Variants in BRCA2 observed in about 807,000 individuals in gnomAD.
BRCA2 encodes breast cancer type 2 susceptibility protein.
Under a neutral mutation model 276.7 loss-of-function variants are expected in BRCA2, and 203 were observed. The observed-to-expected ratio is 0.73, with a 90% CI of 0.65 to 0.82. The LOEUF is 0.82. BRCA2 is among the 40% of genes least tolerant of loss of function. BRCA2 has a pLI of 0.00. For missense variants in BRCA2, 3,920 were observed against 3,915.0 expected (o/e 1.00, Z -0.03); for synonymous variants, 1,289 against 1,338.4 (o/e 0.96, Z 0.81).
At chr13:32,370,254 CT>C in intron 18 of BRCA2, 147 bp from the exon 19 acceptor site, 2 of 708,228 alleles carry the variant, frequency 2.8e-6, no homozygotes, top group Admixed American at 2.8e-5. Context: ...CAGTTTTTTA[CT>C]TATTTACTGT....
In BRCA2 at chr13:32,364,476, T is replaced by G. The variant is rs140346021; in HGVS notation, c.8331+943T>G. On this transcript the variant is annotated intron_variant, in intron 18 of 26. Transcript: ENST00000380152. ...TATGGAAAATGAGGATTTCATTGTC[T>G]TACTCCAACACTGCTACATATTTCT... 1.8e-3 allele frequency among the ~76,000 whole-genome samples: 273 copies of G among 152,340 alleles called. 1 individual carries two copies. The highest frequency in any genetic ancestry group is 6.3e-3 in the African/African-American group (261 of 41,574).
chr13:32,386,149 T>G (rs943788485), intron 24 of BRCA2: 2 of 153,994 alleles, frequency 1.3e-5, no homozygotes, highest in Non-Finnish European at 2.9e-5. Context: ...TCATTTGATT[T>G]TCTGTTAACG....
Position 32,371,070 on chromosome 13 carries a change from A to G in BRCA2, c.8602A>G (p.Lys2868Glu), listed in dbSNP as rs1469574477. Residue 2868 changes from lysine to glutamate, a missense_variant, in exon 20 of 27, where the codon AAA becomes GAA. Transcript: ENST00000380152. ...QQKRLEALFT[K>E]IQEEFEEHEE... is the part of the protein sequence containing the mutation. ...AAAGAGACTAGAAGCCTTATTCACT[A>G]AAATTCAGGAGGAATTTGAAGAACA... 1 of 1,614,150 alleles carries G rather than the reference A, an allele frequency of 6.2e-7. No homozygotes were observed. The highest frequency in any genetic ancestry group is 2.2e-5 in the East Asian group (1 of 44,868).
chr13:32,337,535 C>T lies in BRCA2; in HGVS notation c.3180C>T (p.Ser1060=), dbSNP rs786203536. The change falls in exon 11 of 27, where the codon AGC becomes AGT. Residue 1060 remains serine, a synonymous_variant. Coordinates refer to ENST00000380152, the MANE Select transcript of BRCA2 (RefSeq NM_000059.4). Reference sequence around the variant, plus strand: ...CATTAGATAATCAAAAGAAACTGAGCAAGCCTCAGTCAATTAATACTGTAT... The same window carrying T: ...CATTAGATAATCAAAAGAAACTGAGTAAGCCTCAGTCAATTAATACTGTAT... ...TLALDNQKKL[S]KPQSINTVSA... The T allele has an allele frequency of 6.2e-7, 1 of 1,607,280 alleles. No individual in the cohort carries two copies. Among genetic ancestry groups the T allele is most frequent in the Non-Finnish European group, 8.5e-7 (1 of 1,176,392 alleles).
chr13:32,355,448 C>A (rs527854074), intron 14 of BRCA2, 160 bp downstream of exon 14: 6 of 370,712 alleles, frequency 1.6e-5, no homozygotes, highest in African/African-American at 6.6e-5. Context: ...TTAAATTATT[C>A]TAATGTTTCT....
At chr13:32,329,916 G>A (rs1247506583) in intron 8 of BRCA2, among the ~76,000 whole-genome samples, 1 of 151,922 alleles carries the variant, frequency 6.6e-6, no homozygotes, top group Non-Finnish European at 1.5e-5. Context: ...AATAAAATAG[G>A]ACAATTATAA....
intron 3 of BRCA2, among the ~76,000 whole-genome samples, chr13:32,319,685 G>T (rs765960591): frequency 2.6e-5 from 4 of 152,154 alleles, no homozygotes; most frequent in Non-Finnish European, 5.9e-5. Context: ...TTATTTTACC[G>T]ATATACTATA....
At chr13:32,393,027 G>A (rs2073007986) in intron 24 of BRCA2, among the ~76,000 whole-genome samples, 1 of 152,000 alleles carries the variant, frequency 6.6e-6, no homozygotes, top group South Asian at 2.1e-4. Flanking sequence ...CTCATGACTA[G>A]GATGAAGTTA....
intron 13 of BRCA2, among the ~76,000 whole-genome samples, chr13:32,352,372 A>G (rs371698519): frequency 4.2e-4 from 64 of 152,342 alleles, no homozygotes; most frequent in African/African-American, 1.4e-3. Flanking sequence ...TGCTCAAACT[A>G]CCTAATATAT....
chr13:32,370,924 A>G (rs756837938), intron 19 of BRCA2, 32 bp from the exon 20 acceptor site: 2 of 1,613,464 alleles, frequency 1.2e-6, no homozygotes, highest in East Asian at 4.5e-5. Flanking sequence ...TATATATGTG[A>G]CTTTTTTGGT....
At position 32,333,163 on chromosome 13, in the gene BRCA2, G is replaced by A. The variant is rs2072419618; in HGVS notation, c.1685G>A (p.Ser562Asn). Residue 562 changes from serine (S) to asparagine (N), a missense_variant, in exon 10 of 27, where the codon AGC becomes AAC. Around this residue, in one of 2 missense-constraint regions of BRCA2, gnomAD observed 3,263 missense variants for 3,156.9 expected, o/e 1.03. Coordinates refer to ENST00000380152, the MANE Select transcript of BRCA2 (RefSeq NM_000059.4). ...TGTCCAAATTTAATTGATAATGGAA[G>A]CTGGCCAGCCACCACCACACAGAAT... is the stretch of plus-strand genomic sequence containing the variant. ...SLCPNLIDNG[S>N]WPATTTQNSV... is the part of the protein sequence containing the mutation. 2 of 1,614,078 alleles carry A rather than the reference G, an allele frequency of 1.2e-6. No homozygotes were observed. The highest frequency in any genetic ancestry group is 1.7e-6 in the Non-Finnish European group (2 of 1,179,998).
intron 10 of BRCA2, among the ~76,000 whole-genome samples, chr13:32,335,892 T>A (rs2072443834): frequency 6.6e-6 from 1 of 152,192 alleles, no homozygotes; most frequent in South Asian, 2.1e-4. Context: ...TTATTTATTT[T>A]TATTTTTTAG....
intron 2 of BRCA2, 132 bp from the exon 3 acceptor site, chr13:32,318,945 T>C: frequency 8.2e-7 from 1 of 1,218,116 alleles, no homozygotes; most frequent in Admixed American, 2.6e-5. Context: ...TCTTGTTTAA[T>C]TAATATGCCT....
chr13:32,394,707 A>G lies in BRCA2; in HGVS notation c.9275A>G (p.Tyr3092Cys), dbSNP rs80359195. ...ATTCTAGGACTTGCCCCTTTCGTCT[A>G]TTTGTCAGACGAATGTTACAATTTA... ...VKKTGLAPFV[Y>C]LSDECYNLLA... is the part of the protein sequence containing the mutation. The change falls in exon 25 of 27, where the codon TAT becomes TGT. Residue 3092 changes from tyrosine (Y) to cysteine (C), a missense_variant. Transcript: ENST00000380152. The G allele has an allele frequency of 6.6e-5, 106 of 1,613,290 alleles. No individual in the cohort carries two copies. Among genetic ancestry groups the G allele is most frequent in the Middle Eastern group, 1.6e-4 (1 of 6,076 alleles).
intron 20 of BRCA2, 81 bp from the exon 21 acceptor site, chr13:32,376,589 G>T (rs2072873340): frequency 6.9e-7 from 1 of 1,453,914 alleles, no homozygotes. Context: ...CCCTTCTTTG[G>T]GTGTTTTATG....
At position 32,337,150 on chromosome 13, in the gene BRCA2, A is replaced by T. The variant is rs879255447; in HGVS notation, c.2795A>T (p.Asp932Val). 2 of 1,613,790 alleles carry T rather than the reference A, an allele frequency of 1.2e-6. No individual in the cohort carries two copies. The highest frequency in any genetic ancestry group is 2.7e-5 in the African/African-American group (2 of 74,918). Residue 932 changes from aspartate to valine, a missense_variant, in exon 11 of 27, where the codon GAC (aspartate) becomes GTC (valine). Around this residue, in one of 2 missense-constraint regions of BRCA2, gnomAD observed 3,263 missense variants for 3,156.9 expected, o/e 1.03. Transcript: ENST00000380152. ...FKNSTMVLYG[D>V]TGDKQATQVS... ...AACTCTACCATGGTTTTATATGGAGACACAGGTGATAAACAAGCAACCCAA... is the reference window on the plus strand; with the variant it reads ...AACTCTACCATGGTTTTATATGGAGTCACAGGTGATAAACAAGCAACCCAA...
At chr13:32,365,590 A>G (rs1021873293) in intron 18 of BRCA2, among the ~76,000 whole-genome samples, 6 of 151,998 alleles carry the variant, frequency 3.9e-5, no homozygotes, top group Non-Finnish European at 5.9e-5. Flanking sequence ...CATATTGGCC[A>G]GGCTGGTCTC....
intron 14 of BRCA2, 78 bp from the exon 15 acceptor site, chr13:32,356,350 G>A (rs922339235): frequency 8.4e-6 from 12 of 1,425,658 alleles, no homozygotes; most frequent in South Asian, 8.2e-5. Context: ...GATTACAGGC[G>A]TGAGCCACTG....
At chr13:32,315,785 GC>G (rs977251277) in intron 1 of BRCA2, 118 bp downstream of exon 1, 2 of 153,348 alleles carry the variant, frequency 1.3e-5, no homozygotes, top group African/African-American at 4.8e-5. Flanking sequence ...TTTTGTCTCT[GC>G]CAACCCCCAC....
Sources: allele counts gnomAD v4.1 joint callset (sites outside exome capture counted in the v4.1 genomes callset), GRCh38; gene constraint gnomAD v4.1.1; regional missense constraint gnomAD v4.1.1; transcripts MANE v1.5; gene names NCBI Gene and HGNC (gene_info 2026-07-23, HGNC 2026-07-21).